MSH3: variants seen among roughly 807,000 people sequenced by gnomAD.
MSH3 encodes the protein mutS homolog 3.
MSH3 carries 106 observed loss-of-function variants against 123.3 expected under a neutral mutation model. That is an observed-to-expected ratio of 0.86 (90% confidence interval 0.73 to 1.01). The LOEUF (loss-of-function observed/expected upper bound fraction) is 1.01. Among genes scored for constraint, MSH3 ranks in the 50% least tolerant of loss-of-function variants. MSH3 has a pLI of 0.00. For synonymous variants in MSH3, 515 were observed against 481.4 expected (o/e 1.07, Z -0.91); for missense variants, 1,459 against 1,347.6 (o/e 1.08, Z -1.29).
intron 19 of MSH3, among the ~76,000 whole-genome samples, chr5:80,808,899 A>T (rs1361529323): frequency 7.6e-6 from 1 of 131,726 alleles, no homozygotes; most frequent in Non-Finnish European, 1.6e-5. Context: ...TCTAAATTCG[A>T]AGAGAGCAAT....
chr5:80,860,616 A>C (rs1460482322), intron 21 of MSH3, among the ~76,000 whole-genome samples: 1 of 150,036 alleles, frequency 6.7e-6, no homozygotes, highest in African/African-American at 2.5e-5. Context: ...GGTTTTCTGT[A>C]GTTTGAATAT....
At chr5:80,765,525 C>T (rs557263009) in intron 13 of MSH3, among the ~76,000 whole-genome samples, 11 of 152,122 alleles carry the variant, frequency 7.2e-5, no homozygotes, top group Admixed American at 2.6e-4. Flanking sequence ...TTTTTGAATA[C>T]GTTCTTAGCC....
At chr5:80,729,430 A>AATGTGTG (rs1491210653) in intron 10 of MSH3, among the ~76,000 whole-genome samples, 1,400 of 77,916 alleles carry the variant, frequency 0.018, 17 homozygotes, top group African/African-American at 0.027. Context: ...AAAAAAAAAA[A>AATGTGTG]TGTGTGTGTG....
chr5:80,860,483 C>G (rs1438006695), intron 21 of MSH3, among the ~76,000 whole-genome samples: 1 of 143,592 alleles, frequency 7.0e-6, no homozygotes, highest in South Asian at 2.3e-4. Context: ...AGATATTTTA[C>G]TCCACTCTTT....
chr5:80,752,125 A>G (rs994765204), intron 12 of MSH3, among the ~76,000 whole-genome samples: 3 of 151,954 alleles, frequency 2.0e-5, no homozygotes, highest in Non-Finnish European at 4.4e-5. Flanking sequence ...TTAGAGATGA[A>G]AAAGAAACAT....
At chr5:80,663,082 A>C (rs1047976205) in intron 2 of MSH3, among the ~76,000 whole-genome samples, 1 of 152,148 alleles carries the variant, frequency 6.6e-6, no homozygotes, top group Non-Finnish European at 1.5e-5. Context: ...AAAAAATTAA[A>C]AAAAAATTAG....
At chr5:80,668,660 C>T (rs1749624925) in intron 3 of MSH3, among the ~76,000 whole-genome samples, 1 of 152,186 alleles carries the variant, frequency 6.6e-6, no homozygotes, top group Admixed American at 6.5e-5. Context: ...GGAGCAGGTA[C>T]TTCTGAGCCT....
chr5:80,852,055 G>A (rs1745838741), intron 20 of MSH3, among the ~76,000 whole-genome samples: 3 of 152,178 alleles, frequency 2.0e-5, no homozygotes, highest in African/African-American at 7.2e-5. Context: ...GCCAGGCATG[G>A]TGGCTCATGC....
At chr5:80,780,035 G>C (rs1744382350) in intron 17 of MSH3, among the ~76,000 whole-genome samples, 1 of 152,092 alleles carries the variant, frequency 6.6e-6, no homozygotes, top group South Asian at 2.1e-4. Context: ...CACGTTTTTT[G>C]TTATTTTACC....
chr5:80,836,328 A>C (rs1561493943), intron 20 of MSH3, among the ~76,000 whole-genome samples: 1 of 152,204 alleles, frequency 6.6e-6, no homozygotes, highest in African/African-American at 2.4e-5. Flanking sequence ...CTTATGTGCA[A>C]GACACTCTGC....
intron 21 of MSH3, among the ~76,000 whole-genome samples, chr5:80,860,769 C>G (rs995354323): frequency 1.3e-5 from 2 of 151,974 alleles, no homozygotes; most frequent in Non-Finnish European, 2.9e-5. Flanking sequence ...TTCTTTCTCT[C>G]TTTATTTTCT....
intron 12 of MSH3, among the ~76,000 whole-genome samples, chr5:80,755,999 C>G (rs1400940059): frequency 1.3e-5 from 2 of 151,994 alleles, no homozygotes; most frequent in African/African-American, 4.8e-5. Context: ...TTAAAACAGT[C>G]TGATGGTACT....
At chr5:80,711,540 A>T (rs1471426991) in intron 8 of MSH3, among the ~76,000 whole-genome samples, 5 of 152,210 alleles carry the variant, frequency 3.3e-5, no homozygotes, top group Non-Finnish European at 5.9e-5. Flanking sequence ...ACTGTTGGCC[A>T]TGTGGACTTC....
intron 12 of MSH3, among the ~76,000 whole-genome samples, chr5:80,750,985 T>C (rs910563572): frequency 2.6e-5 from 4 of 152,198 alleles, no homozygotes; most frequent in Admixed American, 2.0e-4. Context: ...GTATCACTCA[T>C]TGATAGCATA....
At chr5:80,774,266 G>C (rs1354540104) in intron 15 of MSH3, among the ~76,000 whole-genome samples, 1 of 152,084 alleles carries the variant, frequency 6.6e-6, no homozygotes, top group Admixed American at 6.6e-5. Flanking sequence ...TCTCACCCCA[G>C]TTAAAATGGC....
chr5:80,814,953 G>A (rs1181655740), intron 20 of MSH3, among the ~76,000 whole-genome samples: 1 of 152,174 alleles, frequency 6.6e-6, no homozygotes, highest in African/African-American at 2.4e-5. Flanking sequence ...AAAGCATCGT[G>A]TATATTTCTT....
intron 20 of MSH3, among the ~76,000 whole-genome samples, chr5:80,819,173 T>TG (rs1745157085): frequency 6.6e-6 from 1 of 151,692 alleles, no homozygotes; most frequent in Non-Finnish European, 1.5e-5. Flanking sequence ...AGAGGTGGAG[T>TG]TATGCAATAA....
intron 12 of MSH3, chr5:80,746,550 C>A (rs1743724161): frequency 4.6e-5 from 20 of 435,340 alleles, no homozygotes; most frequent in South Asian, 3.1e-4. Context: ...GATCGACTTT[C>A]AGGAATTGTT....
At position 80,868,773 on chromosome 5, in the gene MSH3, A is replaced by T. The variant is rs549618098; in HGVS notation, c.3130+3831A>T. 1.4e-4 allele frequency among the ~76,000 whole-genome samples: 20 copies of T among 144,568 alleles called. No individual in the cohort carries two copies. The East Asian group carries it at 3.6e-3, about 26-fold the overall frequency. 94.8% of individuals were successfully genotyped at this position (144,568 alleles called of 152,430 possible). A position where few individuals can be genotyped will look rare whatever the true frequency, so the allele number is the denominator to read the frequency against. On this transcript the variant is annotated intron_variant, in intron 22 of 23. Coordinates refer to ENST00000265081, the MANE Select transcript of MSH3 (RefSeq NM_002439.5). ...CATGTACCCCTGAACTTAAAAGTTT[A>T]AAAAAAAAAACAACAACTCTATAGC... is the stretch of plus-strand genomic sequence containing the variant.
Sources: gnomAD v4.1 joint callset for allele counts (sites outside exome capture counted in the v4.1 genomes callset) on GRCh38, gnomAD v4.1.1 for gene constraint, MANE v1.5 for transcripts, NCBI Gene and HGNC (gene_info 2026-07-23, HGNC 2026-07-21) for gene names.